The following LRRC49 variants were observed in gnomAD, a reference collection of about 807,000 sequenced individuals.
The protein encoded by LRRC49 is leucine-rich repeat-containing protein 49.
Under a neutral mutation model 83.3 loss-of-function variants are expected in LRRC49, and 50 were observed. The observed-to-expected ratio is 0.60, with a 90% CI of 0.48 to 0.76. The LOEUF is 0.76. Among genes scored for constraint, LRRC49 ranks in the 30% least tolerant of loss-of-function variants. LRRC49 has a pLI of 0.00. For synonymous variants in LRRC49, 286 were observed against 283.3 expected, an observed-to-expected ratio of 1.01 and a Z score of -0.10; for missense variants, 704 against 809.1, an observed-to-expected ratio of 0.87 and a Z score of 1.58.
intron 11 of LRRC49, among the ~76,000 whole-genome samples, chr15:70,994,530 G>A (rs150095753): frequency 0.013 from 2,005 of 152,010 alleles, 52 homozygotes; most frequent in African/African-American, 0.046. Context: ...GCTGAAGTGC[G>A]GTGGCATGAT....
chr15:70,973,634 A>G lies in LRRC49; in HGVS notation c.922-6467A>G, dbSNP rs950459111. On this transcript the variant is annotated intron_variant, in intron 9 of 15. Coordinates refer to ENST00000260382, the MANE Select transcript of LRRC49 (RefSeq NM_017691.5). Reference sequence around the variant, plus strand: ...TCCCAGGGAGATGGGAGTTTTATCTATAAGCTCTGAGTGGGGCTGCTGCCT... The same window carrying G: ...TCCCAGGGAGATGGGAGTTTTATCTGTAAGCTCTGAGTGGGGCTGCTGCCT... 8.5e-5 allele frequency among the ~76,000 whole-genome samples: 13 copies of G among 152,274 alleles called. 1 individual carries two copies. Among genetic ancestry groups the G allele is most frequent in the Admixed American group, 3.3e-4 (5 of 15,294 alleles).
At chr15:70,874,143 G>A (rs545880775) in intron 2 of LRRC49, among the ~76,000 whole-genome samples, 18 of 152,216 alleles carry the variant, frequency 1.2e-4, no homozygotes, top group African/African-American at 4.1e-4. Flanking sequence ...GACTCTGATC[G>A]GAACTGCAAA....
intron 14 of LRRC49, among the ~76,000 whole-genome samples, chr15:71,016,023 G>GCC (rs975461725): frequency 5.3e-5 from 8 of 152,152 alleles, no homozygotes; most frequent in African/African-American, 1.9e-4. Flanking sequence ...ATAGTATGCT[G>GCC]CAATTTGTGA....
chr15:70,891,159 T>C (rs919993215), upstream of LRRC49, among the ~76,000 whole-genome samples: 4 of 152,160 alleles, frequency 2.6e-5, no homozygotes, highest in Non-Finnish European at 5.9e-5. Context: ...GCTGGAAAGT[T>C]TTCTTTAAAA....
chr15:70,883,617 C>T (rs2033325008), intron 2 of LRRC49, among the ~76,000 whole-genome samples: 1 of 151,250 alleles, frequency 6.6e-6, no homozygotes. Context: ...ACTTTTAATA[C>T]TTTCCTGAGA....
In LRRC49 at chr15:70,959,405, C is replaced by A. The variant is rs192121773; in HGVS notation, c.774-4380C>A. ...ACTCGGGAGGCCGAGGCAGGAAAAT[C>A]GCTTGAACCAGGGAGGCGGAGGTTG... On this transcript the variant is annotated intron_variant, in intron 8 of 15. Coordinates refer to ENST00000260382, the MANE Select transcript of LRRC49 (RefSeq NM_017691.5). 2.8e-3 allele frequency among the ~76,000 whole-genome samples: 423 copies of A among 151,724 alleles called. 1 individual carries two copies. Among genetic ancestry groups the A allele is most frequent in the South Asian group, 0.011 (54 of 4,808 alleles).
chr15:70,884,535 T>C (rs1034281362), intron 2 of LRRC49, among the ~76,000 whole-genome samples: 41 of 150,438 alleles, frequency 2.7e-4, no homozygotes, highest in African/African-American at 9.8e-4. Flanking sequence ...CACACATATA[T>C]ACACACAGAA....
chr15:70,950,999 C>T (rs1387881401), intron 8 of LRRC49, among the ~76,000 whole-genome samples: 4 of 152,058 alleles, frequency 2.6e-5, no homozygotes, highest in South Asian at 2.1e-4. Context: ...ATCTCAACAC[C>T]ATTTATTGAA....
At chr15:70,890,936 A>C (rs1427460526), upstream of LRRC49, among the ~76,000 whole-genome samples, 1 of 152,138 alleles carries the variant, frequency 6.6e-6, no homozygotes, top group Non-Finnish European at 1.5e-5. Flanking sequence ...AAATTGGGTT[A>C]ATAATTTTGC....
At chr15:70,998,810 C>T (rs1251569696) in intron 11 of LRRC49, among the ~76,000 whole-genome samples, 1 of 151,834 alleles carries the variant, frequency 6.6e-6, no homozygotes, top group Admixed American at 6.6e-5. Context: ...CCGAAACTCC[C>T]ATTATGTTTA....
chr15:71,049,670 T>G lies in LRRC49; in HGVS notation c.*58T>G, dbSNP rs576523748. ...TTTTATTTTTTGAAGGTTGAAAATA[T>G]GCAGGTTATACATGTTAAAACAACA... On this transcript the variant is annotated 3_prime_UTR_variant, in exon 16 of 16. Transcript: ENST00000260382. 1 of 1,157,720 alleles carries G rather than the reference T, an allele frequency of 8.6e-7. No individual in the cohort carries two copies. Among genetic ancestry groups the G allele is most frequent in the East Asian group, 2.3e-5 (1 of 42,768 alleles). 71.7% of individuals were successfully genotyped at this position (1,157,720 alleles called of 1,614,324 possible).
intron 11 of LRRC49, among the ~76,000 whole-genome samples, chr15:70,992,695 G>A (rs1206797430): frequency 6.6e-6 from 1 of 152,226 alleles, no homozygotes; most frequent in Non-Finnish European, 1.5e-5. Context: ...CTGCAGAACA[G>A]CGAATATTGC....
At chr15:71,044,199 A>G (rs1043480273) in intron 15 of LRRC49, among the ~76,000 whole-genome samples, 6 of 152,214 alleles carry the variant, frequency 3.9e-5, no homozygotes, top group Non-Finnish European at 8.8e-5. Flanking sequence ...ATAGTATTTC[A>G]GAGTGAGGGA....
At chr15:70,884,330 C>T (rs1595980253) in intron 2 of LRRC49, among the ~76,000 whole-genome samples, 2 of 151,866 alleles carry the variant, frequency 1.3e-5, no homozygotes, top group Non-Finnish European at 1.5e-5. Context: ...GTCAGGAGTT[C>T]GAGATCAGCC....
At chr15:70,987,542 C>T (rs949061325) in intron 11 of LRRC49, among the ~76,000 whole-genome samples, 6 of 151,890 alleles carry the variant, frequency 4.0e-5, no homozygotes, top group African/African-American at 9.7e-5. Context: ...CTTTATTAGT[C>T]TTGCTAGCGG....
chr15:70,890,701 A>G (rs1228411802), upstream of LRRC49, among the ~76,000 whole-genome samples: 1 of 152,200 alleles, frequency 6.6e-6, no homozygotes, highest in Admixed American at 6.5e-5. Context: ...GCTGATTTTT[A>G]AGGGAAAAAG....
intron 2 of LRRC49, among the ~76,000 whole-genome samples, chr15:70,875,925 G>A (rs1310780200): frequency 6.6e-6 from 1 of 152,182 alleles, no homozygotes; most frequent in Non-Finnish European, 1.5e-5. Context: ...GATGCAAGGA[G>A]CAAGTGCTAG....
intron 11 of LRRC49, among the ~76,000 whole-genome samples, chr15:70,994,873 A>C (rs1034939496): frequency 6.6e-6 from 1 of 152,242 alleles, no homozygotes; most frequent in African/African-American, 2.4e-5. Context: ...CAGAAGAATT[A>C]ACATTGTTAT....
intron 1 of LRRC49, among the ~76,000 whole-genome samples, chr15:70,862,219 T>C (rs2032805646): frequency 6.6e-6 from 1 of 152,136 alleles, no homozygotes; most frequent in South Asian, 2.1e-4. Context: ...GAGGGCTTCA[T>C]TAGGTCAGAA....
Sources: gnomAD v4.1 joint callset for allele counts (sites outside exome capture counted in the v4.1 genomes callset) on GRCh38, gnomAD v4.1.1 for gene constraint, MANE v1.5 for transcripts, NCBI Gene and HGNC (gene_info 2026-07-23, HGNC 2026-07-21) for gene names.